Variants in AKT3 observed in about 807,000 individuals in gnomAD.
AKT3 encodes the protein AKT serine/threonine kinase 3, also known as RAC-gamma serine/threonine-protein kinase.
AKT3 carries 15 observed loss-of-function variants against 65.3 expected under a neutral mutation model. The ratio of observed to expected loss-of-function variants is 0.23; its 90% CI spans 0.15 to 0.35. The LOEUF (loss-of-function observed/expected upper bound fraction) is 0.35, where lower values mean the gene tolerates loss of function less well. Among genes scored for constraint, AKT3 ranks in the 10% least tolerant of loss-of-function variants. The pLI is 1.00. For missense variants in AKT3, 243 were observed against 576.5 expected (o/e 0.42, Z 5.92); for synonymous variants, 206 against 183.8 (o/e 1.12, Z -0.98).
intron 8 of AKT3, among the ~76,000 whole-genome samples, chr1:243,573,856 T>C (rs1402670760): frequency 2.0e-5 from 3 of 152,166 alleles, no homozygotes; most frequent in Non-Finnish European, 4.4e-5. Context: ...GGCTCTCCAA[T>C]AGGCCACTTC....
chr1:243,558,090 A>G (rs1673526973), intron 10 of AKT3, among the ~76,000 whole-genome samples: 1 of 152,050 alleles, frequency 6.6e-6, no homozygotes, highest in Non-Finnish European at 1.5e-5. Context: ...TCCTAAAAAC[A>G]ACATTGGCAG....
chr1:243,733,771 C>T (rs1000202108), intron 2 of AKT3, among the ~76,000 whole-genome samples: 1 of 152,096 alleles, frequency 6.6e-6, no homozygotes, highest in Non-Finnish European at 1.5e-5. Context: ...TTAAAAAGTA[C>T]GTATCTTAAT....
intron 4 of AKT3, among the ~76,000 whole-genome samples, chr1:243,654,984 A>T (rs10803149): frequency 0.83 from 125,383 of 151,848 alleles, 51,960 homozygotes; most frequent in Non-Finnish European, 0.87. Context: ...ACTATTTTTT[A>T]AAAAATTTCA....
intron 2 of AKT3, among the ~76,000 whole-genome samples, chr1:243,738,659 G>A (rs545932271): frequency 6.6e-6 from 1 of 152,244 alleles, no homozygotes; most frequent in African/African-American, 2.4e-5. Flanking sequence ...AGTACTCGTT[G>A]AGGATGAACA....
At chr1:243,673,283 A>G (rs1258842620) in intron 3 of AKT3, among the ~76,000 whole-genome samples, 1 of 152,206 alleles carries the variant, frequency 6.6e-6, no homozygotes, top group Non-Finnish European at 1.5e-5. Context: ...TATAGGCAAA[A>G]TAAAAATACT....
chr1:243,629,857 G>A (rs1279929089), intron 6 of AKT3, among the ~76,000 whole-genome samples: 3 of 152,134 alleles, frequency 2.0e-5, no homozygotes, highest in Non-Finnish European at 4.4e-5. Flanking sequence ...GCTGGCCATT[G>A]ATATATTCCT....
At chr1:243,489,240 C>G in intron 13 of AKT3, 1 of 1,461,568 alleles carries the variant, frequency 6.8e-7, no homozygotes, top group Non-Finnish European at 9.3e-7. Context: ...CGGATCACAT[C>G]GGTTAGCAGT....
chr1:243,610,183 A>G (rs934261433), intron 8 of AKT3, among the ~76,000 whole-genome samples: 1 of 152,212 alleles, frequency 6.6e-6, no homozygotes, highest in Non-Finnish European at 1.5e-5. Context: ...ACTGTATACT[A>G]CATCAATTTC....
chr1:243,524,232 T>TA (rs1427737571), intron 12 of AKT3, among the ~76,000 whole-genome samples: 1 of 152,220 alleles, frequency 6.6e-6, no homozygotes, highest in African/African-American at 2.4e-5. Flanking sequence ...GTGCATGACT[T>TA]ACAGAAAAGC....
downstream of AKT3, among the ~76,000 whole-genome samples, chr1:243,497,247 G>C (rs549568374): frequency 6.9e-6 from 1 of 145,342 alleles, no homozygotes; most frequent in Non-Finnish European, 1.5e-5. Flanking sequence ...AAATGGAGGC[G>C]ACAAAACGGT....
chr1:243,755,281 C>A (rs1321281720), intron 2 of AKT3, among the ~76,000 whole-genome samples: 1 of 150,752 alleles, frequency 6.6e-6, no homozygotes, highest in East Asian at 2.0e-4. Flanking sequence ...AGCCATGTTG[C>A]CCAGGGTGGT....
chr1:243,670,425 G>T (rs576860663), intron 3 of AKT3, among the ~76,000 whole-genome samples: 2 of 152,242 alleles, frequency 1.3e-5, no homozygotes, highest in South Asian at 4.1e-4. Flanking sequence ...TTGCATGTTC[G>T]CAATAAGGAA....
At chr1:243,723,564 A>G (rs1687040628) in intron 2 of AKT3, among the ~76,000 whole-genome samples, 1 of 152,186 alleles carries the variant, frequency 6.6e-6, no homozygotes, top group African/African-American at 2.4e-5. Context: ...CCTCACCATT[A>G]CTTTCACAAC....
intron 2 of AKT3, among the ~76,000 whole-genome samples, chr1:243,784,741 G>A (rs1036471575): frequency 6.6e-6 from 1 of 152,064 alleles, no homozygotes; most frequent in Non-Finnish European, 1.5e-5. Flanking sequence ...CTTGGTCCAC[G>A]CACAGTAGCC....
chr1:243,653,089 TAG>T (rs1294631785), intron 4 of AKT3, among the ~76,000 whole-genome samples: 1 of 150,962 alleles, frequency 6.6e-6, no homozygotes, highest in Non-Finnish European at 1.5e-5. Flanking sequence ...ATCAACAAAA[TAG>T]ATAGACCTCT....
chr1:243,845,233 A>T (rs1403078458), intron 1 of AKT3, among the ~76,000 whole-genome samples: 1 of 151,508 alleles, frequency 6.6e-6, no homozygotes, highest in Non-Finnish European at 1.5e-5. Context: ...TGAATGCAAG[A>T]CCACCAGCCT....
intron 10 of AKT3, among the ~76,000 whole-genome samples, chr1:243,562,474 T>C (rs1035099092): frequency 1.3e-5 from 2 of 152,182 alleles, no homozygotes; most frequent in Non-Finnish European, 2.9e-5. Context: ...GGCATATGAA[T>C]TGTACTCCAA....
At chr1:243,765,813 A>C (rs1689784806) in intron 2 of AKT3, among the ~76,000 whole-genome samples, 1 of 152,218 alleles carries the variant, frequency 6.6e-6, no homozygotes, top group African/African-American at 2.4e-5. Context: ...CGTTCAAGTT[A>C]ATCAGAATGA....
In AKT3 at chr1:243,664,983, C is replaced by T. The variant is rs772919170; in HGVS notation, c.173-100G>A. On this transcript the variant is annotated intron_variant, in intron 3 of 13. Transcript: ENST00000673466. ...GTTCTATTTTAAACAAAACCCAGTG[C>T]GAACTCACAGCTTTCTATGGTTCTC... is the stretch of plus-strand genomic sequence containing the variant. 104 of 492,308 alleles carry T rather than the reference C, an allele frequency of 2.1e-4. 1 individual carries two copies. Among genetic ancestry groups the T allele is most frequent in the African/African-American group, 1.8e-3 (90 of 49,340 alleles). 30.5% of individuals were successfully genotyped at this position (492,308 alleles called of 1,614,324 possible).
Sources: allele counts gnomAD v4.1 joint callset (sites outside exome capture counted in the v4.1 genomes callset), GRCh38; gene constraint gnomAD v4.1.1; transcripts MANE v1.5; gene names NCBI Gene and HGNC (gene_info 2026-07-23, HGNC 2026-07-21).